Variants in PCBP3 observed in about 807,000 individuals in gnomAD.
PCBP3 encodes the protein poly(rC) binding protein 3.
A neutral mutation model predicts 52.7 loss-of-function variants in PCBP3; 25 were observed. The observed-to-expected ratio is 0.47, with a 90% CI of 0.35 to 0.66. The LOEUF (loss-of-function observed/expected upper bound fraction) is 0.66. Among genes scored for constraint, PCBP3 ranks in the 30% least tolerant of loss-of-function variants. The pLI is 0.01. For missense variants in PCBP3, 391 were observed against 490.3 expected, an observed-to-expected ratio of 0.80 and a Z score of 1.91; for synonymous variants, 162 against 183.0, an observed-to-expected ratio of 0.89 and a Z score of 0.93.
intron 3 of PCBP3, chr21:45,749,418 A>C (rs1480599437): frequency 6.6e-6 from 1 of 152,166 alleles, no homozygotes; most frequent in Non-Finnish European, 1.5e-5. Flanking sequence ...CGAGGGCTGA[A>C]AGATGGCATT....
chr21:45,658,871 G>A (rs1371655920), intron 1 of PCBP3, among the ~76,000 whole-genome samples: 1 of 151,770 alleles, frequency 6.6e-6, no homozygotes, highest in Non-Finnish European at 1.5e-5. Context: ...CAGATGTACT[G>A]TTTTTTAAGT....
intron 5 of PCBP3, among the ~76,000 whole-genome samples, chr21:45,895,997 G>A (rs778146303): frequency 1.3e-5 from 2 of 152,234 alleles, no homozygotes; most frequent in African/African-American, 2.4e-5. Context: ...GGAGGCAGCC[G>A]TGGGGCCTCC....
chr21:45,836,738 T>C (rs1250770587), intron 4 of PCBP3, among the ~76,000 whole-genome samples: 3 of 152,082 alleles, frequency 2.0e-5, no homozygotes, highest in African/African-American at 7.2e-5. Context: ...CTCTTCTCTT[T>C]AAAATAATTT....
At chr21:45,882,492 CTGT>C (rs2095426961) in intron 5 of PCBP3, among the ~76,000 whole-genome samples, 2 of 151,982 alleles carry the variant, frequency 1.3e-5, no homozygotes, top group Admixed American at 6.6e-5. Flanking sequence ...TCTCTTCACT[CTGT>C]TGTTTGCTGT....
intron 4 of PCBP3, among the ~76,000 whole-genome samples, chr21:45,804,334 T>G (rs1187742596): frequency 6.6e-6 from 1 of 152,172 alleles, no homozygotes; most frequent in Non-Finnish European, 1.5e-5. Flanking sequence ...GTATAAAATG[T>G]TTTGCCTCCT....
intron 4 of PCBP3, among the ~76,000 whole-genome samples, chr21:45,825,258 A>G (rs981395169): frequency 2.0e-5 from 3 of 152,182 alleles, no homozygotes; most frequent in Admixed American, 6.5e-5. Context: ...CAGAATCTAG[A>G]TGACATTCTC....
chr21:45,859,296 G>A (rs1348981079), intron 5 of PCBP3, among the ~76,000 whole-genome samples: 1 of 12,412 alleles, frequency 8.1e-5, no homozygotes, highest in African/African-American at 4.8e-4. Context: ...GGTCAGCCGG[G>A]CCGGGAGGCG....
In PCBP3 at chr21:45,868,507, C is replaced by T. The variant is rs75450717; in HGVS notation, c.10+18412C>T. Among the ~76,000 whole-genome samples, 1,025 of 145,332 alleles carry T rather than the reference C, an allele frequency of 7.1e-3. 12 individuals are homozygous for T. The highest frequency in any genetic ancestry group is 0.025 in the African/African-American group (965 of 39,262). On this transcript the variant is annotated intron_variant, in intron 5 of 17. Transcript: ENST00000681687. ...GTGACCTACAAATGTGTGTGTCTGACTTTCTGCAGTTTAAATCGCCACTGA... is the reference window on the plus strand; with the variant it reads ...GTGACCTACAAATGTGTGTGTCTGATTTTCTGCAGTTTAAATCGCCACTGA...
At chr21:45,722,509 GT>G (rs914897824) in intron 2 of PCBP3, among the ~76,000 whole-genome samples, 19 of 151,602 alleles carry the variant, frequency 1.3e-4, no homozygotes, top group African/African-American at 2.4e-4. Context: ...AAATGCAGAA[GT>G]TTTTTTTTAA....
At chr21:45,677,646 A>C (rs1939185592) in intron 2 of PCBP3, among the ~76,000 whole-genome samples, 2 of 152,230 alleles carry the variant, frequency 1.3e-5, no homozygotes, top group African/African-American at 4.8e-5. Context: ...GCCTGGCTTC[A>C]AAGCTTTAAA....
intron 4 of PCBP3, among the ~76,000 whole-genome samples, chr21:45,757,561 T>C (rs990392991): frequency 3.9e-5 from 6 of 152,336 alleles, no homozygotes; most frequent in Admixed American, 1.3e-4. Flanking sequence ...TTTCTTTGGT[T>C]GTGTGCAGTT....
At chr21:45,734,175 G>T (rs1445842238) in intron 2 of PCBP3, among the ~76,000 whole-genome samples, 1 of 152,224 alleles carries the variant, frequency 6.6e-6, no homozygotes, top group African/African-American at 2.4e-5. Flanking sequence ...TCTGCTGCCA[G>T]TGCAGTCATT....
chr21:45,808,924 C>A (rs2092596954), intron 4 of PCBP3, among the ~76,000 whole-genome samples: 1 of 152,116 alleles, frequency 6.6e-6, no homozygotes, highest in East Asian at 1.9e-4. Flanking sequence ...TCATTCTCAG[C>A]AAACTAACGC....
In PCBP3 at chr21:45,909,707, A is replaced by ACC. The variant is rs1307290353; in HGVS notation, c.471+223_471+224dup. ...CAGCCCACCCACTGCCCAGATACGG[A>ACC]CCCGGCCACCCACTGCCCAGATACA... On this transcript the variant is annotated intron_variant, in intron 10 of 17. Coordinates refer to ENST00000681687, the MANE Select transcript of PCBP3 (RefSeq NM_001384156.1). 4.2e-5 allele frequency among the ~76,000 whole-genome samples: 5 copies of ACC among 118,812 alleles called. No homozygotes were observed. In the South Asian group the frequency reaches 1.3e-3, roughly 31 times the overall value. The allele number at this position is 118,812 out of a possible 152,430, so 77.9% of individuals were successfully genotyped here.
chr21:45,826,145 C>T (rs1178231584), intron 4 of PCBP3, among the ~76,000 whole-genome samples: 1 of 151,918 alleles, frequency 6.6e-6, no homozygotes, highest in Non-Finnish European at 1.5e-5. Context: ...GTAATCCCAG[C>T]TACTCGGGAG....
intron 3 of PCBP3, among the ~76,000 whole-genome samples, chr21:45,747,672 G>A (rs1467274225): frequency 6.6e-6 from 1 of 152,260 alleles, no homozygotes; most frequent in African/African-American, 2.4e-5. Flanking sequence ...AGAGGCTGCG[G>A]TCTTGCCCTT....
intron 2 of PCBP3, among the ~76,000 whole-genome samples, chr21:45,722,946 G>A (rs759340885): frequency 2.0e-5 from 3 of 151,912 alleles, no homozygotes; most frequent in Admixed American, 6.6e-5. Flanking sequence ...CCCGGGAGGT[G>A]GAGGTTGCAG....
At chr21:45,878,689 C>T (rs1603462719) in intron 5 of PCBP3, among the ~76,000 whole-genome samples, 2 of 152,116 alleles carry the variant, frequency 1.3e-5, no homozygotes. Context: ...AACCACTGCC[C>T]GATAAAATAA....
rs1403390186 is a variant in PCBP3 at position 45,821,305 on chromosome 21, A to G, written c.-125-28656A>G. ...CTCCTGGGTCACACTGGCCCAGCAC[A>G]CACTGAGCTCCAGCCTGATGTCCAG... On this transcript the variant is annotated intron_variant, in intron 4 of 17. Transcript: ENST00000681687. The surrounding 1 kb of genome is among the most constrained non-coding windows in gnomAD (Gnocchi z 4.4). 1.3e-5 allele frequency among the ~76,000 whole-genome samples: 2 copies of G among 152,130 alleles called. No individual in the cohort carries two copies. The highest frequency in any genetic ancestry group is 3.9e-4 in the East Asian group (2 of 5,144).
Sources: allele counts gnomAD v4.1 joint callset (sites outside exome capture counted in the v4.1 genomes callset), GRCh38; gene constraint gnomAD v4.1.1; non-coding constraint Gnocchi (gnomAD v3.1); transcripts MANE v1.5; gene names NCBI Gene and HGNC (gene_info 2026-07-23, HGNC 2026-07-21).